The following SGCZ variants were observed in gnomAD, a reference collection of about 807,000 sequenced individuals.
SGCZ encodes sarcoglycan zeta.
A neutral mutation model predicts 41.3 loss-of-function variants in SGCZ; 40 were observed. That is an observed-to-expected ratio of 0.97 (90% CI 0.75 to 1.26). The LOEUF (loss-of-function observed/expected upper bound fraction) is 1.26, where lower values mean the gene tolerates loss of function less well. Ranked by LOEUF, SGCZ falls within the 50% of genes most tolerant of loss-of-function variation. The pLI is 0.00. For synonymous variants in SGCZ, 206 were observed against 137.5 expected (o/e 1.50, Z -3.49); for missense variants, 552 against 369.8 (o/e 1.49, Z -4.04).
At chr8:14,668,299 C>T (rs772698376) in intron 1 of SGCZ, among the ~76,000 whole-genome samples, 40 of 152,208 alleles carry the variant, frequency 2.6e-4, no homozygotes, top group African/African-American at 7.5e-4. Context: ...AGCTCATAGG[C>T]GGAAATCTCT....
At chr8:14,205,888 C>T (rs1463253044) in intron 4 of SGCZ, among the ~76,000 whole-genome samples, 1 of 151,862 alleles carries the variant, frequency 6.6e-6, no homozygotes, top group African/African-American at 2.4e-5. Context: ...ACAAATTACC[C>T]AAGTTTTCTC....
At position 14,090,481 on chromosome 8, in the gene SGCZ, T is replaced by C. The variant is rs957349155; in HGVS notation, c.901A>G (p.Thr301Ala). Residue 301 changes from threonine to alanine, a missense_variant, in exon 8 of 8, where the codon ACT becomes GCT. Coordinates refer to ENST00000382080, the MANE Select transcript of SGCZ (RefSeq NM_139167.4). Reference protein sequence around the residue: ...LYLSPAGVGSTCQSSSNICLW... With the variant: ...LYLSPAGVGSACQSSSNICLW... ...CAGATGTTGCTACTGGACTGACAAGTGGAACCTACTCCTGCTGGAGAAAGG... is the reference window on the plus strand; with the variant it reads ...CAGATGTTGCTACTGGACTGACAAGCGGAACCTACTCCTGCTGGAGAAAGG... 3.1e-6 allele frequency: 5 copies of C among 1,612,806 alleles called. No homozygotes were observed. The highest frequency in any genetic ancestry group is 3.4e-6 in the Non-Finnish European group (4 of 1,179,346).
intron 2 of SGCZ, among the ~76,000 whole-genome samples, chr8:14,459,381 A>T (rs763801237): frequency 6.6e-6 from 1 of 152,162 alleles, no homozygotes; most frequent in Non-Finnish European, 1.5e-5. Context: ...ACAAACCTGC[A>T]CATTGTGCAC....
At chr8:14,272,474 G>C (rs1800096717) in intron 3 of SGCZ, among the ~76,000 whole-genome samples, 1 of 152,176 alleles carries the variant, frequency 6.6e-6, no homozygotes, top group African/African-American at 2.4e-5. Context: ...GTAGCACTTG[G>C]AAATTTTTGT....
intron 7 of SGCZ, among the ~76,000 whole-genome samples, chr8:14,098,058 T>C (rs1200059372): frequency 6.6e-6 from 1 of 152,198 alleles, no homozygotes; most frequent in Non-Finnish European, 1.5e-5. Flanking sequence ...TCATATTGAA[T>C]TTTTAGTAAT....
chr8:14,938,990 G>A (rs1257469852), intron 1 of SGCZ, among the ~76,000 whole-genome samples: 1 of 152,064 alleles, frequency 6.6e-6, no homozygotes, highest in East Asian at 1.9e-4. Context: ...CTTTCAGTCT[G>A]CGCCCTGGCA....
At chr8:14,355,184 T>C (rs1410372696) in intron 2 of SGCZ, among the ~76,000 whole-genome samples, 1 of 152,102 alleles carries the variant, frequency 6.6e-6, no homozygotes, top group Non-Finnish European at 1.5e-5. Context: ...ACTTTGTTTA[T>C]AGGCCACAAG....
chr8:14,681,779 C>T (rs961708205), intron 1 of SGCZ, among the ~76,000 whole-genome samples: 1 of 152,070 alleles, frequency 6.6e-6, no homozygotes, highest in Non-Finnish European at 1.5e-5. Context: ...AGAGAGGTCT[C>T]TGCATGTTTT....
chr8:15,065,234 T>G (rs1805086038), intron 1 of SGCZ, among the ~76,000 whole-genome samples: 1 of 152,044 alleles, frequency 6.6e-6, no homozygotes, highest in African/African-American at 2.4e-5. Context: ...TTCTCACCCC[T>G]TCCCCTGCAC....
intron 3 of SGCZ, among the ~76,000 whole-genome samples, chr8:14,307,347 A>C (rs1365656): frequency 0.65 from 98,193 of 152,004 alleles, 32,185 homozygotes; most frequent in South Asian, 0.85. Context: ...GTAAATTTCA[A>C]TAGTTCAAAA....
chr8:14,098,632 A>C (rs1801917686), intron 7 of SGCZ, among the ~76,000 whole-genome samples: 1 of 152,218 alleles, frequency 6.6e-6, no homozygotes, highest in South Asian at 2.1e-4. Flanking sequence ...GTTTAAGTCT[A>C]CAGGCTGGGA....
At chr8:14,227,168 G>A (rs1396261248) in intron 4 of SGCZ, among the ~76,000 whole-genome samples, 1 of 152,128 alleles carries the variant, frequency 6.6e-6, no homozygotes, top group East Asian at 1.9e-4. Flanking sequence ...TGCAATGCCT[G>A]CTTCCCTGGA....
chr8:15,227,967 T>C (rs1377982370), intron 1 of SGCZ, among the ~76,000 whole-genome samples: 1 of 152,212 alleles, frequency 6.6e-6, no homozygotes, highest in African/African-American at 2.4e-5. Flanking sequence ...TATCATAAAA[T>C]GCTGAAACTT....
chr8:14,767,036 C>G (rs1800058217), intron 1 of SGCZ, among the ~76,000 whole-genome samples: 2 of 150,896 alleles, frequency 1.3e-5, no homozygotes, highest in Admixed American at 1.3e-4. Context: ...TAGATGTCTA[C>G]ACAATTATAT....
chr8:14,925,482 A>G (rs1799718699), intron 1 of SGCZ, among the ~76,000 whole-genome samples: 1 of 152,204 alleles, frequency 6.6e-6, no homozygotes, highest in African/African-American at 2.4e-5. Context: ...AGTAATTTAT[A>G]ACAAGATGCT....
At chr8:14,487,138 C>A (rs865900636) in intron 2 of SGCZ, among the ~76,000 whole-genome samples, 4 of 152,246 alleles carry the variant, frequency 2.6e-5, no homozygotes, top group Non-Finnish European at 2.9e-5. Context: ...AATAGGTTAT[C>A]CAAACTGTCC....
chr8:14,799,455 G>C (rs987048102), intron 1 of SGCZ, among the ~76,000 whole-genome samples: 1 of 152,072 alleles, frequency 6.6e-6, no homozygotes, highest in Non-Finnish European at 1.5e-5. Context: ...TTGTAACAGA[G>C]CCCCAGTGAC....
intron 4 of SGCZ, among the ~76,000 whole-genome samples, chr8:14,181,175 T>C (rs1804713175): frequency 6.6e-6 from 1 of 152,120 alleles, no homozygotes; most frequent in South Asian, 2.1e-4. Context: ...TGGATACATT[T>C]ATGAGGGTCC....
chr8:14,400,866 T>C (rs547002491), intron 2 of SGCZ, among the ~76,000 whole-genome samples: 17 of 152,310 alleles, frequency 1.1e-4, no homozygotes, highest in Admixed American at 7.9e-4. Context: ...AATTTGCTTG[T>C]GGATCTCCAA....
Sources: gnomAD v4.1 joint callset for allele counts (sites outside exome capture counted in the v4.1 genomes callset) on GRCh38, gnomAD v4.1.1 for gene constraint, MANE v1.5 for transcripts, NCBI Gene and HGNC (gene_info 2026-07-23, HGNC 2026-07-21) for gene names.